Variants in SHISA6 observed in about 807,000 individuals in gnomAD.
SHISA6 encodes protein shisa-6.
SHISA6 carries 22 observed loss-of-function variants against 47.9 expected under a neutral mutation model. The ratio of observed to expected loss-of-function variants is 0.46; its 90% confidence interval spans 0.33 to 0.66. The LOEUF (loss-of-function observed/expected upper bound fraction) is 0.66. Ranked by LOEUF, SHISA6 falls within the 30% of genes least tolerant of loss-of-function variation. The pLI, the probability that SHISA6 is intolerant of heterozygous loss-of-function variation, is 0.02. For synonymous variants in SHISA6, 388 were observed against 337.8 expected (o/e 1.15, Z -1.63); for missense variants, 680 against 764.6 (o/e 0.89, Z 1.30).
chr17:11,556,319 C>T lies in SHISA6; in HGVS notation c.1105+427C>T, dbSNP rs191215240. ...GCCCACAAACCAGCTCCTTCTCCAA[C>T]CCAGCCAACAGTGTCTTGAGGACCT... On this transcript the variant is annotated intron_variant, in intron 5 of 5. Transcript: ENST00000441885. Among the ~76,000 whole-genome samples, 4 of 152,320 alleles carry T rather than the reference C, an allele frequency of 2.6e-5. No homozygotes were observed. The East Asian group carries it at 5.8e-4, about 22-fold the overall frequency.
At chr17:11,526,536 C>T (rs1207152937) in intron 3 of SHISA6, among the ~76,000 whole-genome samples, 1 of 152,168 alleles carries the variant, frequency 6.6e-6, no homozygotes, top group Non-Finnish European at 1.5e-5. Flanking sequence ...CTTTGTAGAG[C>T]ACATGCAGCC....
intron 1 of SHISA6, among the ~76,000 whole-genome samples, chr17:11,248,629 C>A (rs990320838): frequency 1.3e-5 from 2 of 152,208 alleles, no homozygotes; most frequent in Admixed American, 6.5e-5. Context: ...ACTGTTTCCA[C>A]TGAATGTCTC....
At chr17:11,342,514 A>T (rs1238477770) in intron 2 of SHISA6, among the ~76,000 whole-genome samples, 1 of 152,174 alleles carries the variant, frequency 6.6e-6, no homozygotes, top group Non-Finnish European at 1.5e-5. Flanking sequence ...GGGTGAAAAA[A>T]CACATCTTAT....
intron 3 of SHISA6, among the ~76,000 whole-genome samples, chr17:11,532,195 G>A (rs961860451): frequency 4.6e-5 from 7 of 152,268 alleles, no homozygotes; most frequent in Non-Finnish European, 8.8e-5. Context: ...TCTGAACTGC[G>A]GTGTAAGTGG....
intron 3 of SHISA6, among the ~76,000 whole-genome samples, chr17:11,535,802 CTTG>C (rs752996063): frequency 3.2e-4 from 48 of 152,232 alleles, no homozygotes; most frequent in Admixed American, 5.2e-4. Flanking sequence ...AGCTCACAGA[CTTG>C]TTGTGAGGTT....
At chr17:11,243,552 G>T (rs930470727) in intron 1 of SHISA6, among the ~76,000 whole-genome samples, 3 of 152,162 alleles carry the variant, frequency 2.0e-5, no homozygotes, top group Admixed American at 6.5e-5. Context: ...GTCAGTCTTG[G>T]CTCTCAAATG....
chr17:11,416,161 T>G (rs1421196801), intron 3 of SHISA6, among the ~76,000 whole-genome samples: 1 of 152,186 alleles, frequency 6.6e-6, no homozygotes, highest in East Asian at 1.9e-4. Flanking sequence ...GCATTTAGGC[T>G]TCAACATAGG....
intron 2 of SHISA6, among the ~76,000 whole-genome samples, chr17:11,324,469 C>T (rs1161908365): frequency 6.6e-6 from 1 of 152,140 alleles, no homozygotes; most frequent in Non-Finnish European, 1.5e-5. Flanking sequence ...GGGCCCCTGA[C>T]CTCGTGGACC....
intron 2 of SHISA6, among the ~76,000 whole-genome samples, chr17:11,278,828 G>A (rs954751900): frequency 6.6e-6 from 1 of 152,178 alleles, no homozygotes; most frequent in African/African-American, 2.4e-5. Context: ...TTTAATACAC[G>A]TGGCGTTTCT....
At chr17:11,380,210 T>A (rs1912964515) in intron 3 of SHISA6, 1 of 152,206 alleles carries the variant, frequency 6.6e-6, no homozygotes, top group African/African-American at 2.4e-5. Flanking sequence ...TTAATTACCG[T>A]CCCAACACCT....
At chr17:11,465,821 G>A (rs935706735) in intron 3 of SHISA6, among the ~76,000 whole-genome samples, 5 of 152,142 alleles carry the variant, frequency 3.3e-5, no homozygotes, top group South Asian at 2.1e-4. Context: ...CATCTGTCCC[G>A]GGAGCCGTGG....
intron 3 of SHISA6, among the ~76,000 whole-genome samples, chr17:11,489,716 C>T (rs1482605020): frequency 7.2e-5 from 11 of 152,080 alleles, no homozygotes; most frequent in Admixed American, 1.3e-4. Flanking sequence ...AGTTTTCAAC[C>T]GGGGGCCAGT....
At position 11,337,931 on chromosome 17, in the gene SHISA6, T is replaced by C. The variant is rs568963081; in HGVS notation, c.800-41483T>C. On this transcript the variant is annotated intron_variant, in intron 2 of 5. Transcript: ENST00000441885. ...CAGAAGATGTGTTACTTGTTACCAC[T>C]GTGGCTGATTGAGCAGGGGCTAGCA... Among the ~76,000 whole-genome samples, 8 of 152,344 alleles carry C rather than the reference T, an allele frequency of 5.3e-5. No homozygotes were observed. In the East Asian group the frequency reaches 1.4e-3, roughly 26 times the overall value.
At chr17:11,535,739 A>G (rs1453467863) in intron 3 of SHISA6, among the ~76,000 whole-genome samples, 1 of 152,138 alleles carries the variant, frequency 6.6e-6, no homozygotes, top group African/African-American at 2.4e-5. Context: ...TCAGCTACTT[A>G]TTTTTTGCGT....
chr17:11,435,749 A>C (rs891365676), intron 3 of SHISA6, among the ~76,000 whole-genome samples: 1 of 152,140 alleles, frequency 6.6e-6, no homozygotes, highest in African/African-American at 2.4e-5. Flanking sequence ...TGCAGTTTTC[A>C]TCAAGTGTAT....
intron 2 of SHISA6, among the ~76,000 whole-genome samples, chr17:11,308,590 T>C (rs1272418470): frequency 6.6e-6 from 1 of 152,194 alleles, no homozygotes; most frequent in East Asian, 1.9e-4. Flanking sequence ...CTACGTTCGC[T>C]AAGCCCTCCT....
chr17:11,514,067 C>G (rs913332818), intron 3 of SHISA6, among the ~76,000 whole-genome samples: 3 of 152,132 alleles, frequency 2.0e-5, no homozygotes, highest in Non-Finnish European at 2.9e-5. Context: ...TTCCCATGCT[C>G]TTCCCTAGAC....
chr17:11,354,527 A>G (rs1316945152), intron 2 of SHISA6, among the ~76,000 whole-genome samples: 4 of 152,212 alleles, frequency 2.6e-5, no homozygotes, highest in African/African-American at 4.8e-5. Context: ...TTGGAGGGGC[A>G]TAGAGCAGTT....
At chr17:11,406,281 C>A (rs1327871829) in intron 3 of SHISA6, among the ~76,000 whole-genome samples, 3 of 152,204 alleles carry the variant, frequency 2.0e-5, no homozygotes, top group Non-Finnish European at 2.9e-5. Flanking sequence ...CCTGGTCCTT[C>A]CCTAAGAACA....
Sources: gnomAD v4.1 joint callset for allele counts (sites outside exome capture counted in the v4.1 genomes callset) on GRCh38, gnomAD v4.1.1 for gene constraint, MANE v1.5 for transcripts, NCBI Gene and HGNC (gene_info 2026-07-23, HGNC 2026-07-21) for gene names.